The following EYA2 variants were observed in gnomAD, a reference collection of about 807,000 sequenced individuals.
EYA2 encodes protein phosphatase EYA2.
A neutral mutation model predicts 69.2 loss-of-function variants in EYA2; 31 were observed. The ratio of observed to expected loss-of-function variants is 0.45; its 90% CI spans 0.34 to 0.60. The LOEUF is 0.60. Ranked by LOEUF, EYA2 falls within the 20% of genes least tolerant of loss-of-function variation. The probability of loss-of-function intolerance (pLI) is 0.02; values close to 1 mark genes in which losing one functional copy is unlikely to be tolerated. For synonymous variants in EYA2, 257 were observed against 279.4 expected (o/e 0.92, Z 0.80); for missense variants, 622 against 701.2 (o/e 0.89, Z 1.28).
chr20:47,163,947 C>A (rs1308771465), intron 10 of EYA2, among the ~76,000 whole-genome samples: 5 of 152,142 alleles, frequency 3.3e-5, no homozygotes, highest in Non-Finnish European at 7.4e-5. Context: ...CCCCACTGCA[C>A]TTCACCTGTG....
At position 47,016,247 on chromosome 20, in the gene EYA2, G is replaced by C; in HGVS notation, c.365G>C (p.Ser122Thr). ...AGTGGATTCCTCAGCTATGGCTCCAGCTTCAGCACCTCACCCACTGGACAG... is the reference window on the plus strand; with the variant it reads ...AGTGGATTCCTCAGCTATGGCTCCACCTTCAGCACCTCACCCACTGGACAG... Reference protein sequence around the residue: ...GQSGFLSYGSSFSTSPTGQSP... With the variant: ...GQSGFLSYGSTFSTSPTGQSP... Residue 122 changes from serine (S) to threonine (T), a missense_variant, in exon 5 of 16, where the codon AGC (serine) becomes ACC (threonine). Physicochemically the swap from Ser to Thr is moderately conservative, Grantham distance 58 (BLOSUM62 1). Transcript: ENST00000327619. 1 of 1,614,150 alleles carries C rather than the reference G, an allele frequency of 6.2e-7. No individual in the cohort carries two copies. The highest frequency in any genetic ancestry group is 8.5e-7 in the Non-Finnish European group (1 of 1,180,036).
chr20:46,912,770 G>T (rs1200435062), intron 1 of EYA2, among the ~76,000 whole-genome samples: 1 of 149,216 alleles, frequency 6.7e-6, no homozygotes, highest in Non-Finnish European at 1.5e-5. Flanking sequence ...GCGCAATCTC[G>T]GCTCACTGCA....
intron 12 of EYA2, among the ~76,000 whole-genome samples, chr20:47,175,721 G>T (rs1196256476): frequency 6.6e-6 from 1 of 152,150 alleles, no homozygotes; most frequent in Non-Finnish European, 1.5e-5. Flanking sequence ...GGGTGGTTGG[G>T]CAGCCAGCTA....
intron 1 of EYA2, among the ~76,000 whole-genome samples, chr20:46,983,229 T>G (rs1267747955): frequency 2.6e-5 from 4 of 152,226 alleles, no homozygotes; most frequent in Non-Finnish European, 4.4e-5. Flanking sequence ...TTGTCTTGGT[T>G]TTTGATCATT....
chr20:47,146,787 G>A (rs933402682), intron 10 of EYA2, among the ~76,000 whole-genome samples: 14 of 152,158 alleles, frequency 9.2e-5, no homozygotes, highest in Admixed American at 2.0e-4. Flanking sequence ...GTTCCTTCCC[G>A]CGTCCAGCAG....
In EYA2 at chr20:47,001,444, C is replaced by A. The variant is rs1304461721; in HGVS notation, c.126C>A (p.Ala42=). The A allele has an allele frequency of 6.2e-7, 1 of 1,614,176 alleles. No individual in the cohort carries two copies. Among genetic ancestry groups the A allele is most frequent in the Non-Finnish European group, 8.5e-7 (1 of 1,180,028 alleles). The part of the protein sequence containing the change: ...LSDRQGITKS[A]PLRVSQLFSR... ...CTCCTGCAGGCATCACCAAATCGGC[C>A]CCCCTGAGAGTGTCCCAGCTCTTCT... The change falls in exon 3 of 16, where the codon GCC becomes GCA. Residue 42 remains alanine (A), a synonymous_variant. Transcript: ENST00000327619.
At chr20:47,055,016 G>A (rs539289302) in intron 5 of EYA2, among the ~76,000 whole-genome samples, 3 of 152,200 alleles carry the variant, frequency 2.0e-5, no homozygotes, top group Non-Finnish European at 2.9e-5. Context: ...CTGTGCCCTC[G>A]TGGTGGCGAA....
intron 7 of EYA2, among the ~76,000 whole-genome samples, chr20:47,086,599 G>A (rs976788693): frequency 5.3e-5 from 8 of 152,064 alleles, no homozygotes; most frequent in Admixed American, 1.3e-4. Context: ...CTCACTGTGC[G>A]GTACCCGGGG....
rs116740083 is a variant in EYA2, at chr20:47,183,104, C to T, written c.1436-187C>T. Among the ~76,000 whole-genome samples, 869 of 152,248 alleles carry T rather than the reference C, an allele frequency of 5.7e-3. 7 individuals are homozygous for T. The highest frequency in any genetic ancestry group is 0.02 in the African/African-American group (818 of 41,524). On this transcript the variant is annotated intron_variant, in intron 14 of 15. Coordinates refer to ENST00000327619, the MANE Select transcript of EYA2 (RefSeq NM_005244.5). ...AAGCTACTGACCCTCGCTGTGTTTC[C>T]GGCTGTCATCATCCTTCATGTGGGG...
At position 47,153,401 on chromosome 20, in the gene EYA2, G is replaced by A. The variant is rs181672098; in HGVS notation, c.978+10253G>A. On this transcript the variant is annotated intron_variant, in intron 10 of 15. Transcript: ENST00000327619. ...CATGCCTGTAATCCTAGCACTTTTG[G>A]AGGCTGAGGCGGGAGGATCACTTGA... Among the ~76,000 whole-genome samples, 342 of 151,922 alleles carry A rather than the reference G, an allele frequency of 2.3e-3. 2 individuals are homozygous for A. Among genetic ancestry groups the A allele is most frequent in the African/African-American group, 8.0e-3 (333 of 41,518 alleles).
At chr20:46,982,599 T>C (rs987038118) in intron 1 of EYA2, among the ~76,000 whole-genome samples, 7 of 152,182 alleles carry the variant, frequency 4.6e-5, no homozygotes, top group Non-Finnish European at 8.8e-5. Context: ...TCTTTTACCA[T>C]GTACCATGTT....
chr20:47,037,728 G>A (rs1600660337), intron 5 of EYA2, among the ~76,000 whole-genome samples: 1 of 152,310 alleles, frequency 6.6e-6, no homozygotes, highest in East Asian at 1.9e-4. Flanking sequence ...TCTTTCTGCT[G>A]CCTTTCTCTG....
intron 5 of EYA2, among the ~76,000 whole-genome samples, chr20:47,068,215 A>G (rs1368028812): frequency 6.6e-6 from 1 of 152,248 alleles, no homozygotes; most frequent in African/African-American, 2.4e-5. Context: ...TGCCTAATAC[A>G]GTGCTTGGTG....
chr20:47,106,094 T>A (rs1313369934), intron 9 of EYA2, among the ~76,000 whole-genome samples: 1 of 151,986 alleles, frequency 6.6e-6, no homozygotes, highest in Non-Finnish European at 1.5e-5. Flanking sequence ...GTGTTTTGTT[T>A]TTTGTTTTTG....
intron 1 of EYA2, among the ~76,000 whole-genome samples, chr20:46,973,183 A>C (rs59423363): frequency 7.7e-4 from 117 of 152,302 alleles, no homozygotes; most frequent in African/African-American, 2.7e-3. Context: ...CTCTGAACCT[A>C]ATCACATTTC....
At chr20:47,108,097 G>A (rs554778197) in intron 9 of EYA2, among the ~76,000 whole-genome samples, 2 of 152,324 alleles carry the variant, frequency 1.3e-5, no homozygotes, top group East Asian at 3.9e-4. Flanking sequence ...TAGAGATTTG[G>A]AGTAGAAGGA....
At position 46,952,370 on chromosome 20, in the gene EYA2, G is replaced by T. The variant is rs141308636; in HGVS notation, c.-10-37631G>T. Among the ~76,000 whole-genome samples the T allele has an allele frequency of 6.2e-3, 947 of 152,224 alleles. 16 individuals are homozygous for T. Among genetic ancestry groups the T allele is most frequent in the African/African-American group, 0.022 (928 of 41,526 alleles). ...GATCAGACAGGGCCTCATGGGTTGC[G>T]CTTGGCTCTTTAGATTTTACTCTGA... On this transcript the variant is annotated intron_variant, in intron 1 of 15. Transcript: ENST00000327619.
At chr20:47,103,248 C>T (rs951668062) in intron 9 of EYA2, among the ~76,000 whole-genome samples, 18 of 152,168 alleles carry the variant, frequency 1.2e-4, no homozygotes, top group African/African-American at 4.3e-4. Flanking sequence ...TACTCACTAG[C>T]AGTCACCCCT....
intron 6 of EYA2, among the ~76,000 whole-genome samples, chr20:47,073,447 G>A (rs1243007027): frequency 2.6e-5 from 4 of 151,906 alleles, no homozygotes; most frequent in Admixed American, 2.6e-4. Flanking sequence ...CTGGGTTTGT[G>A]TGTCGTGTGG....
Sources: gnomAD v4.1 joint callset for allele counts (sites outside exome capture counted in the v4.1 genomes callset) on GRCh38, gnomAD v4.1.1 for gene constraint, MANE v1.5 for transcripts, NCBI Gene and HGNC (gene_info 2026-07-23, HGNC 2026-07-21) for gene names.